Variants in DLGAP2 observed in about 807,000 individuals in gnomAD.
The protein encoded by DLGAP2 is disks large-associated protein 2.
A neutral mutation model predicts 100.3 loss-of-function variants in DLGAP2; 26 were observed. That is an observed-to-expected ratio of 0.26 (90% CI 0.19 to 0.36). The LOEUF (loss-of-function observed/expected upper bound fraction) is 0.36, where lower values mean the gene tolerates loss of function less well. Ranked by LOEUF, DLGAP2 falls within the 10% of genes least tolerant of loss-of-function variation. The pLI, the probability that DLGAP2 is intolerant of heterozygous loss-of-function variation, is 1.00. For missense variants in DLGAP2, 1,858 were observed against 1,453.2 expected (o/e 1.28, Z -4.53); for synonymous variants, 886 against 630.1 (o/e 1.41, Z -6.08).
chr8:1,241,699 C>T (rs1222576504), intron 2 of DLGAP2, among the ~76,000 whole-genome samples: 2 of 151,234 alleles, frequency 1.3e-5, no homozygotes, highest in East Asian at 3.9e-4. Flanking sequence ...TTTTTCAGGG[C>T]AAGTGTGTAA....
chr8:1,306,832 C>G (rs981828576), intron 3 of DLGAP2, among the ~76,000 whole-genome samples: 62 of 152,260 alleles, frequency 4.1e-4, no homozygotes, highest in African/African-American at 1.4e-3. Flanking sequence ...GTTAGAGAAA[C>G]TGGATATCAA....
At chr8:1,167,170 GC>G (rs1173096295) in intron 2 of DLGAP2, among the ~76,000 whole-genome samples, 3 of 151,974 alleles carry the variant, frequency 2.0e-5, no homozygotes, top group Non-Finnish European at 2.9e-5. Context: ...ATTTGTAAAA[GC>G]CTCCTGACTT....
intron 2 of DLGAP2, among the ~76,000 whole-genome samples, chr8:951,418 G>A (rs754845219): frequency 2.0e-4 from 30 of 151,946 alleles, no homozygotes; most frequent in Non-Finnish European, 2.4e-4. Context: ...CTATTTTTTT[G>A]TTTTTATTTT....
chr8:1,682,794 G>A (rs1798989754), intron 12 of DLGAP2, among the ~76,000 whole-genome samples: 2 of 151,514 alleles, frequency 1.3e-5, no homozygotes, highest in South Asian at 2.1e-4. Context: ...GTATTTCAGT[G>A]TCACTTACCT....
At chr8:1,340,166 A>T (rs1801386751) in intron 3 of DLGAP2, among the ~76,000 whole-genome samples, 1 of 152,232 alleles carries the variant, frequency 6.6e-6, no homozygotes, top group African/African-American at 2.4e-5. Flanking sequence ...CATTCTGGAC[A>T]TGGGAACTGG....
At chr8:908,429 C>G (rs1179367443) in intron 2 of DLGAP2, among the ~76,000 whole-genome samples, 2 of 152,162 alleles carry the variant, frequency 1.3e-5, no homozygotes, top group Non-Finnish European at 2.9e-5. Context: ...CCCCCAAGGT[C>G]TCAGTGAATA....
chr8:1,329,108 A>G (rs980196181), intron 3 of DLGAP2, among the ~76,000 whole-genome samples: 1 of 152,240 alleles, frequency 6.6e-6, no homozygotes, highest in Non-Finnish European at 1.5e-5. Flanking sequence ...GTGGGAAGAA[A>G]AGTCTTCAGA....
intron 1 of DLGAP2, among the ~76,000 whole-genome samples, chr8:892,406 T>A (rs1798054152): frequency 6.6e-6 from 1 of 152,074 alleles, no homozygotes; most frequent in African/African-American, 2.4e-5. Context: ...ATGGGGTGGA[T>A]GAACCCTGGG....
chr8:1,062,964 C>A (rs1803131512), intron 2 of DLGAP2, among the ~76,000 whole-genome samples: 1 of 152,194 alleles, frequency 6.6e-6, no homozygotes, highest in Admixed American at 6.5e-5. Flanking sequence ...GATGCAGCAG[C>A]CGGGCTGCTG....
chr8:848,782 T>TCGTGCGGTGCGTGTTCCAGTGTAGGAA (rs1335502482), intron 1 of DLGAP2, among the ~76,000 whole-genome samples: 5 of 142,388 alleles, frequency 3.5e-5, no homozygotes, highest in Non-Finnish European at 7.7e-5. Flanking sequence ...CAGTGTAGGG[T>TCGTGCGGTGCGTGTTCCAGTGTAGGAA]CGTGCGGTGC....
intron 2 of DLGAP2, among the ~76,000 whole-genome samples, chr8:990,241 C>T (rs901975645): frequency 2.6e-5 from 4 of 152,092 alleles, no homozygotes; most frequent in South Asian, 2.1e-4. Context: ...CGTGATGTTG[C>T]CATGTGGGTG....
At chr8:1,089,369 G>A (rs764381488) in intron 2 of DLGAP2, among the ~76,000 whole-genome samples, 19 of 152,222 alleles carry the variant, frequency 1.2e-4, no homozygotes, top group Non-Finnish European at 2.1e-4. Flanking sequence ...CCAGCCAGCC[G>A]TTTGTCCCCC....
intron 2 of DLGAP2, among the ~76,000 whole-genome samples, chr8:1,200,217 C>A (rs1378143198): frequency 1.3e-5 from 2 of 152,238 alleles, no homozygotes; most frequent in Non-Finnish European, 2.9e-5. Context: ...CACCTTCCTC[C>A]TGGGACAGCT....
At chr8:1,196,115 G>A (rs936070544) in intron 2 of DLGAP2, among the ~76,000 whole-genome samples, 1 of 152,134 alleles carries the variant, frequency 6.6e-6, no homozygotes, top group Non-Finnish European at 1.5e-5. Context: ...CCAGGGCCCC[G>A]TCACATTTTT....
At chr8:1,662,836 G>C (rs1798440658) in intron 8 of DLGAP2, among the ~76,000 whole-genome samples, 1 of 151,306 alleles carries the variant, frequency 6.6e-6, no homozygotes, top group South Asian at 2.1e-4. Context: ...TGTGAGTGTG[G>C]GGAATGTGTG....
At chr8:969,099 C>G (rs573599696) in intron 2 of DLGAP2, among the ~76,000 whole-genome samples, 1 of 152,140 alleles carries the variant, frequency 6.6e-6, no homozygotes, top group Non-Finnish European at 1.5e-5. Context: ...ATGAGAGTCT[C>G]ATGATAATTT....
intron 2 of DLGAP2, among the ~76,000 whole-genome samples, chr8:1,143,055 G>C (rs1414309345): frequency 6.6e-6 from 1 of 152,204 alleles, no homozygotes; most frequent in East Asian, 1.9e-4. Flanking sequence ...GGGGCCTCAG[G>C]GTGTGGGACT....
intron 1 of DLGAP2, among the ~76,000 whole-genome samples, chr8:869,086 C>T (rs1406454448): frequency 1.3e-5 from 2 of 152,096 alleles, no homozygotes; most frequent in African/African-American, 4.8e-5. Flanking sequence ...TGCCCTGGGC[C>T]CTCCCTTCCT....
At chr8:759,115 T>C (rs1237397268) in intron 1 of DLGAP2, among the ~76,000 whole-genome samples, 17 of 53,918 alleles carry the variant, frequency 3.2e-4, no homozygotes, top group Middle Eastern at 0.031. Flanking sequence ...CCGACAGCCT[T>C]CCCATTATCA....
Sources: gnomAD v4.1 joint callset for allele counts (sites outside exome capture counted in the v4.1 genomes callset) on GRCh38, gnomAD v4.1.1 for gene constraint, MANE v1.5 for transcripts, NCBI Gene and HGNC (gene_info 2026-07-23, HGNC 2026-07-21) for gene names.